Variants in JAKMIP2 observed in about 807,000 individuals in gnomAD.
JAKMIP2 encodes the protein janus kinase and microtubule interacting protein 2, also known as janus kinase and microtubule-interacting protein 2.
JAKMIP2 carries 25 observed loss-of-function variants against 115.0 expected under a neutral mutation model. The observed-to-expected ratio is 0.22, with a 90% CI of 0.16 to 0.30. JAKMIP2 has a LOEUF of 0.30. JAKMIP2 is among the 10% of genes least tolerant of loss of function. The pLI, the probability that JAKMIP2 is intolerant of heterozygous loss-of-function variation, is 1.00. For synonymous variants in JAKMIP2, 334 were observed against 343.6 expected (o/e 0.97, Z 0.31); for missense variants, 642 against 957.6 (o/e 0.67, Z 4.35).
chr5:147,762,451 G>A (rs1361151583), intron 1 of JAKMIP2, among the ~76,000 whole-genome samples: 1 of 152,046 alleles, frequency 6.6e-6, no homozygotes, highest in Non-Finnish European at 1.5e-5. Context: ...CACAGTTCTA[G>A]GGGCTTGAAG....
chr5:147,725,060 AGAT>A (rs545857721), intron 1 of JAKMIP2, among the ~76,000 whole-genome samples: 16 of 152,276 alleles, frequency 1.1e-4, no homozygotes, highest in Non-Finnish European at 2.1e-4. Flanking sequence ...ACCAAAACCA[AGAT>A]GGTGATGAAA....
At position 147,758,708 on chromosome 5, in the gene JAKMIP2, G is replaced by A. The variant is rs1754830318; in HGVS notation, c.-149+23748C>T. Among the ~76,000 whole-genome samples the A allele has an allele frequency of 4.6e-5, 7 of 152,092 alleles. No homozygotes were observed. In the South Asian group the frequency reaches 1.5e-3, roughly 32 times the overall value. The stretch of plus-strand genomic sequence containing the variant: ...AGGGAACTTCCTGCTTCAGCTTCCT[G>A]AGTGGCTGAGACTACAGGTGTGCAT... On this transcript the variant is annotated intron_variant, in intron 1 of 21. Transcript: ENST00000616793.
At chr5:147,720,222 T>C (rs1318516434) in intron 1 of JAKMIP2, among the ~76,000 whole-genome samples, 1 of 152,228 alleles carries the variant, frequency 6.6e-6, no homozygotes. Flanking sequence ...AAATCTGCTG[T>C]TAGTCTGATG....
rs1295853602 is a variant in JAKMIP2, at chr5:147,647,000, T to C, written c.936+1376A>G. ...AGAATTGAAAAATTTTAAACAAGAT[T>C]ATTAACAAACTTCAATCAAACTGCA... On this transcript the variant is annotated intron_variant, in intron 5 of 21. Transcript: ENST00000616793. 2.0e-5 allele frequency among the ~76,000 whole-genome samples: 3 copies of C among 151,876 alleles called. No individual in the cohort carries two copies. In the East Asian group the frequency reaches 5.8e-4, roughly 29 times the overall value.
intron 1 of JAKMIP2, among the ~76,000 whole-genome samples, chr5:147,753,758 ATAT>A (rs964640731): frequency 9.9e-5 from 15 of 152,042 alleles, no homozygotes; most frequent in African/African-American, 3.4e-4. Context: ...CCCTTAGTAA[ATAT>A]TATTGGTGAG....
rs896148927 is a variant in JAKMIP2 at position 147,723,444 on chromosome 5, T to A, written c.-148-51490A>T. 1.3e-5 allele frequency among the ~76,000 whole-genome samples: 2 copies of A among 152,186 alleles called. 1 individual carries two copies. Among genetic ancestry groups the A allele is most frequent in the South Asian group, 4.1e-4 (2 of 4,830 alleles). On this transcript the variant is annotated intron_variant, in intron 1 of 21. Coordinates refer to ENST00000616793, the MANE Select transcript of JAKMIP2 (RefSeq NM_001270941.2). ...GTACATTCTCGATGGTATGTTCTAT[T>A]ACAATTTTTTGTTTGGGCTATTAAC...
intron 1 of JAKMIP2, among the ~76,000 whole-genome samples, chr5:147,719,168 T>A (rs1753147325): frequency 7.6e-6 from 1 of 131,728 alleles, no homozygotes; most frequent in Non-Finnish European, 1.6e-5. Flanking sequence ...TTGAGTGAGA[T>A]TCTTAATCCT....
intron 16 of JAKMIP2, among the ~76,000 whole-genome samples, chr5:147,623,945 C>T (rs1199600887): frequency 1.3e-5 from 2 of 152,170 alleles, no homozygotes; most frequent in Non-Finnish European, 2.9e-5. Context: ...AAGCAATTCT[C>T]TGCCTCAGCC....
intron 1 of JAKMIP2, 92 bp downstream of exon 1, chr5:147,782,364 G>C: frequency 8.0e-7 from 1 of 1,248,386 alleles, no homozygotes; most frequent in Non-Finnish European, 1.1e-6. Flanking sequence ...TGAGGCACGG[G>C]AGTCATTGTT....
intron 1 of JAKMIP2, among the ~76,000 whole-genome samples, chr5:147,717,596 C>G (rs1429417596): frequency 6.8e-6 from 1 of 146,978 alleles, no homozygotes; most frequent in African/African-American, 2.5e-5. Flanking sequence ...GTATTTTATT[C>G]TCTTTGAAGC....
intron 3 of JAKMIP2, among the ~76,000 whole-genome samples, chr5:147,655,115 T>C (rs926950603): frequency 6.6e-6 from 1 of 152,186 alleles, no homozygotes; most frequent in Non-Finnish European, 1.5e-5. Context: ...CAGTATTTTA[T>C]TGAGAATTTT....
At chr5:147,618,917 C>A (rs760357861) in intron 18 of JAKMIP2, among the ~76,000 whole-genome samples, 1 of 151,956 alleles carries the variant, frequency 6.6e-6, no homozygotes, top group Non-Finnish European at 1.5e-5. Context: ...GCTTTATGGT[C>A]GCCATATTTT....
chr5:147,696,801 G>A (rs573456275), intron 1 of JAKMIP2, among the ~76,000 whole-genome samples: 1 of 152,324 alleles, frequency 6.6e-6, no homozygotes, highest in South Asian at 2.1e-4. Context: ...GTCTCAGATG[G>A]AGATGAGGAA....
intron 20 of JAKMIP2, among the ~76,000 whole-genome samples, chr5:147,606,045 T>C (rs1029854906): frequency 1.3e-5 from 2 of 152,250 alleles, no homozygotes; most frequent in Non-Finnish European, 2.9e-5. Flanking sequence ...TTTTTCCTTG[T>C]AAATTTGTTT....
At chr5:147,718,011 A>G (rs1239495859) in intron 1 of JAKMIP2, among the ~76,000 whole-genome samples, 9 of 92,136 alleles carry the variant, frequency 9.8e-5, no homozygotes, top group African/African-American at 2.8e-4. Flanking sequence ...ATTATTTTGA[A>G]ATACGTCCCA....
intron 1 of JAKMIP2, among the ~76,000 whole-genome samples, chr5:147,697,020 A>G (rs1169336418): frequency 2.6e-5 from 4 of 152,206 alleles, no homozygotes; most frequent in East Asian, 1.9e-4. Context: ...GATGCAATAG[A>G]AAAGAAAAAC....
At chr5:147,733,470 CT>C (rs1440866951) in intron 1 of JAKMIP2, among the ~76,000 whole-genome samples, 2 of 152,010 alleles carry the variant, frequency 1.3e-5, no homozygotes, top group Non-Finnish European at 2.9e-5. Flanking sequence ...AAATATTTAT[CT>C]TTTTTTATTA....
chr5:147,636,899 G>C, intron 11 of JAKMIP2, 66 bp downstream of exon 11: 1 of 864,832 alleles, frequency 1.2e-6, no homozygotes, highest in East Asian at 2.4e-5. Context: ...CCATGCACAG[G>C]TGAGCTACAG....
intron 8 of JAKMIP2, among the ~76,000 whole-genome samples, 161 bp from the exon 9 acceptor site, chr5:147,640,984 A>G (rs532367884): frequency 2.6e-5 from 4 of 151,172 alleles, no homozygotes; most frequent in Non-Finnish European, 4.4e-5. Flanking sequence ...CATAATTCCA[A>G]TAAGTGTTTC....
Sources: gnomAD v4.1 joint callset for allele counts (sites outside exome capture counted in the v4.1 genomes callset) on GRCh38, gnomAD v4.1.1 for gene constraint, MANE v1.5 for transcripts, NCBI Gene and HGNC (gene_info 2026-07-23, HGNC 2026-07-21) for gene names.